The following ELAVL3 variants were observed in gnomAD, a reference collection of about 807,000 sequenced individuals.
The protein encoded by ELAVL3 is ELAV-like protein 3.
ELAVL3 carries 8 observed loss-of-function variants against 34.2 expected under a neutral mutation model. The observed-to-expected ratio is 0.23, with a 90% CI of 0.14 to 0.42. The LOEUF is 0.42. Among genes scored for constraint, ELAVL3 ranks in the 10% least tolerant of loss-of-function variants. ELAVL3 has a pLI of 1.00. For synonymous variants in ELAVL3, 209 were observed against 222.1 expected, an observed-to-expected ratio of 0.94 and a Z score of 0.53; for missense variants, 273 against 518.8, an observed-to-expected ratio of 0.53 and a Z score of 4.60.
chr19:11,469,051 T>G (rs1313161429), intron 1 of ELAVL3, among the ~76,000 whole-genome samples: 2 of 152,074 alleles, frequency 1.3e-5, no homozygotes, highest in Non-Finnish European at 2.9e-5. Flanking sequence ...TCCCCAGTAC[T>G]TGGGGCTACA....
Position 11,454,503 on chromosome 19 carries a change from G to T in ELAVL3, c.*23C>A, listed in dbSNP as rs1288714676. ...TCTCTCTCTGCTGCCCGGGGAGGGG[G>T]TGGGAGGGCAGGCGGGGTGGGCTCA... On this transcript the variant is annotated 3_prime_UTR_variant, in exon 7 of 7. Coordinates refer to ENST00000359227, the MANE Select transcript of ELAVL3 (RefSeq NM_001420.4). This position sits in a 1 kb window ranked among gnomAD's most constrained non-coding sequence, Gnocchi z 9.2. The T allele has an allele frequency of 6.5e-7, 1 of 1,549,550 alleles. No homozygotes were observed. The highest frequency in any genetic ancestry group is 8.7e-7 in the Non-Finnish European group (1 of 1,146,062).
Position 11,458,129 on chromosome 19 carries a change from G to A in ELAVL3, c.645C>T (p.Leu215=). 3.7e-6 allele frequency: 6 copies of A among 1,614,136 alleles called. No homozygotes were observed. The highest frequency in any genetic ancestry group is 4.2e-6 in the Non-Finnish European group (5 of 1,180,034). Residue 215 remains leucine, a synonymous_variant, in exon 5 of 7, where the codon CTC becomes CTT. Coordinates refer to ENST00000359227, the MANE Select transcript of ELAVL3 (RefSeq NM_001420.4). The surrounding 1 kb of genome is among the most constrained non-coding windows in gnomAD (Gnocchi z 7.3). ...NPSQKTGQAL[L]THLYQSSARR... is the part of the protein sequence containing the mutation. ...GGGCGGATGACTGGTAGAGGTGGGTGAGCAGCGCCTGCCCCGTCTTCTGAC... is the reference window on the plus strand; with the variant it reads ...GGGCGGATGACTGGTAGAGGTGGGTAAGCAGCGCCTGCCCCGTCTTCTGAC...
intron 3 of ELAVL3, among the ~76,000 whole-genome samples, chr19:11,463,979 C>G (rs1970945696): frequency 6.7e-6 from 1 of 150,140 alleles, no homozygotes; most frequent in South Asian, 2.1e-4. Context: ...AAAAAAAACC[C>G]CAAAAAATCA....
chr19:11,454,447 C>T lies in ELAVL3; in HGVS notation c.*79G>A. 2.3e-6 allele frequency: 3 copies of T among 1,320,388 alleles called. No homozygotes were observed. Among genetic ancestry groups the T allele is most frequent in the South Asian group, 1.5e-5 (1 of 67,514 alleles). The allele number at this position is 1,320,388 out of a possible 1,614,324, so 81.8% of individuals were successfully genotyped here. ...CTGCCTGTGCTGTCTCTCTTGGGCC[C>T]CTTCTCTCTCTCTCTCTCTCTTTCT... On this transcript the variant is annotated 3_prime_UTR_variant, in exon 7 of 7. Transcript: ENST00000359227. This position sits in a 1 kb window ranked among gnomAD's most constrained non-coding sequence, Gnocchi z 9.2.
rs367801926 is a variant in ELAVL3 at position 11,454,894 on chromosome 19, G to A, written c.753-17C>T. On this transcript the variant is annotated splice_polypyrimidine_tract_variant and intron_variant, in intron 6 of 6. Coordinates refer to ENST00000359227, the MANE Select transcript of ELAVL3 (RefSeq NM_001420.4). This position sits in a 1 kb window ranked among gnomAD's most constrained non-coding sequence, Gnocchi z 9.2. ...GACAGGGGACTACTTTGGGGGTCAC[G>A]CGGGCTCTGCCCTGACCCCCCGCAT... The A allele has an allele frequency of 2.8e-4, 447 of 1,580,424 alleles. No homozygotes were observed. The highest frequency in any genetic ancestry group is 3.6e-4 in the Non-Finnish European group (420 of 1,168,122).
rs1970708914 is a variant in ELAVL3 at position 11,453,849 on chromosome 19, CTTTTTTTGTG to C, written c.*667_*676del. On this transcript the variant is annotated 3_prime_UTR_variant, in exon 7 of 7. Coordinates refer to ENST00000359227, the MANE Select transcript of ELAVL3 (RefSeq NM_001420.4). ...AAATATTTTCTTTTTTTTTTTTTGT[CTTTTTTTGTG>C]TTTTTTTTTTTCAAGTTCAAGAATC... 2 of 89,496 alleles carry C rather than the reference CTTTTTTTGTG, an allele frequency of 2.2e-5. No homozygotes were observed. Among genetic ancestry groups the C allele is most frequent in the African/African-American group, 4.2e-5 (1 of 24,048 alleles). The allele number at this position is 89,496 out of a possible 1,614,324, so 5.5% of individuals were successfully genotyped here.
At position 11,458,668 on chromosome 19, in the gene ELAVL3, G is replaced by A. The variant is rs1970821247; in HGVS notation, c.334-57C>T. ...GGCAGAGACCCATTTCACAGATGGAGAGAGTGAGGCCATGTCTAAACCATC... is the reference window on the plus strand; with the variant it reads ...GGCAGAGACCCATTTCACAGATGGAAAGAGTGAGGCCATGTCTAAACCATC... On this transcript the variant is annotated intron_variant, in intron 3 of 6. Transcript: ENST00000359227. The surrounding 1 kb of genome is among the most constrained non-coding windows in gnomAD (Gnocchi z 7.3). 8.1e-6 allele frequency: 13 copies of A among 1,597,188 alleles called. No homozygotes were observed. The Admixed American group carries it at 2.0e-4, about 25-fold the overall frequency.
rs1305053868 is a variant in ELAVL3, at chr19:11,451,996, G to C, written c.*2530C>G. The C allele has an allele frequency of 6.6e-6, 1 of 152,252 alleles. No individual in the cohort carries two copies. The highest frequency in any genetic ancestry group is 1.9e-4 in the East Asian group (1 of 5,190). 9.4% of individuals were successfully genotyped at this position (152,252 alleles called of 1,614,324 possible). ...GGAGAGGGGTCCCTGCCCTGCTGCA[G>C]GGGAGAGGAGAGAGGGCAGGGAGGA... On this transcript the variant is annotated 3_prime_UTR_variant, in exon 7 of 7. Transcript: ENST00000359227.
intron 1 of ELAVL3, among the ~76,000 whole-genome samples, chr19:11,473,130 C>T (rs1224099265): frequency 6.6e-6 from 1 of 151,366 alleles, no homozygotes; most frequent in Non-Finnish European, 1.5e-5. Context: ...CTTTGGGAGG[C>T]CGAGGCGTGT....
At chr19:11,476,822 C>T (rs601492) in intron 1 of ELAVL3, among the ~76,000 whole-genome samples, 12,748 of 151,998 alleles carry the variant, frequency 0.084, 1,229 homozygotes, top group African/African-American at 0.23. Context: ...TCACTTGAAC[C>T]TGGGAGGCGG....
In ELAVL3 at chr19:11,452,820, TG is replaced by T. The variant is rs1454954549; in HGVS notation, c.*1705del. On this transcript the variant is annotated 3_prime_UTR_variant, in exon 7 of 7. Transcript: ENST00000359227. Reference sequence around the variant, plus strand: ...GAGGGCTCCCAGGGGCTCCGGCCTGTGGCTTCTGTTGGAATTTTTTTTTTTT... The same window carrying T: ...GAGGGCTCCCAGGGGCTCCGGCCTGTGCTTCTGTTGGAATTTTTTTTTTTT... The T allele has an allele frequency of 6.6e-6, 1 of 151,620 alleles. No individual in the cohort carries two copies. Among genetic ancestry groups the T allele is most frequent in the African/African-American group, 2.4e-5 (1 of 41,262 alleles). The allele number at this position is 151,620 out of a possible 1,614,324, so 9.4% of individuals were successfully genotyped here. A position where few individuals can be genotyped will look rare whatever the true frequency, so the allele number is the denominator to read the frequency against.
At chr19:11,468,148 C>T (rs561954883) in intron 1 of ELAVL3, among the ~76,000 whole-genome samples, 1 of 152,234 alleles carries the variant, frequency 6.6e-6, no homozygotes, top group South Asian at 2.1e-4. Flanking sequence ...TTGCCTCCTC[C>T]CACCAAAGGT....
At chr19:11,471,371 T>C (rs1326534638) in intron 1 of ELAVL3, among the ~76,000 whole-genome samples, 1 of 151,204 alleles carries the variant, frequency 6.6e-6, no homozygotes, top group African/African-American at 2.4e-5. Flanking sequence ...TCCCAGCACT[T>C]TGGGAGGCCG....
In ELAVL3 at chr19:11,480,492, T is replaced by C. The variant is rs1971354793; in HGVS notation, c.9+108A>G. The C allele has an allele frequency of 7.3e-6, 6 of 819,700 alleles. No homozygotes were observed. The highest frequency in any genetic ancestry group is 8.5e-4 in the Middle Eastern group (2 of 2,358). The allele number at this position is 819,700 out of a possible 1,614,324, so 50.8% of individuals were successfully genotyped here. A position where few individuals can be genotyped will look rare whatever the true frequency, so the allele number is the denominator to read the frequency against. ...TGGTCCTACCCCCCCAACCCGGGCC[T>C]AGCTAGGCCTGGTCCTACCCCCCCC... On this transcript the variant is annotated intron_variant, in intron 1 of 6. Coordinates refer to ENST00000359227, the MANE Select transcript of ELAVL3 (RefSeq NM_001420.4). This position sits in a 1 kb window ranked among gnomAD's most constrained non-coding sequence, Gnocchi z 6.8.
intron 3 of ELAVL3, among the ~76,000 whole-genome samples, chr19:11,462,197 T>G (rs997193460): frequency 5.7e-5 from 7 of 122,770 alleles, no homozygotes; most frequent in Non-Finnish European, 9.9e-5. Flanking sequence ...AAAAAAGAAA[T>G]AACTAGTTTA....
In ELAVL3 at chr19:11,452,485, T is replaced by C. The variant is rs1002684001; in HGVS notation, c.*2041A>G. On this transcript the variant is annotated 3_prime_UTR_variant, in exon 7 of 7. Transcript: ENST00000359227. ...GTGCCAGTTTATGTCTTTTTTTTTT[T>C]TCCTTTTTTTTTTTTAAATCTCTTC... The C allele has an allele frequency of 4.6e-5, 7 of 151,606 alleles. No homozygotes were observed. The highest frequency in any genetic ancestry group is 1.7e-4 in the African/African-American group (7 of 41,078). The allele number at this position is 151,606 out of a possible 1,614,324, so 9.4% of individuals were successfully genotyped here. A position where few individuals can be genotyped will look rare whatever the true frequency, so the allele number is the denominator to read the frequency against.
chr19:11,464,625 A>ACG (rs1970973623), intron 3 of ELAVL3, among the ~76,000 whole-genome samples: 1 of 147,588 alleles, frequency 6.8e-6, no homozygotes, highest in African/African-American at 2.5e-5. Context: ...CACCACACAC[A>ACG]CACCACACAC....
chr19:11,470,672 A>G (rs953775214), intron 1 of ELAVL3, among the ~76,000 whole-genome samples: 2 of 152,052 alleles, frequency 1.3e-5, no homozygotes, highest in Admixed American at 6.6e-5. Context: ...GCGAAACTCC[A>G]TCTCAAAATA....
intron 6 of ELAVL3, among the ~76,000 whole-genome samples, chr19:11,456,383 C>T (rs1423354522): frequency 1.3e-5 from 2 of 152,144 alleles, no homozygotes; most frequent in Non-Finnish European, 1.5e-5. Flanking sequence ...GGATTACAGG[C>T]GTGAGCCACC....
Sources: gnomAD v4.1 joint callset for allele counts (sites outside exome capture counted in the v4.1 genomes callset) on GRCh38, gnomAD v4.1.1 for gene constraint, Gnocchi (gnomAD v3.1) non-coding constraint, MANE v1.5 for transcripts, NCBI Gene and HGNC (gene_info 2026-07-23, HGNC 2026-07-21) for gene names.